MTERF1: variants seen among roughly 807,000 people sequenced by gnomAD.
MTERF1 encodes transcription termination factor 1, mitochondrial.
In MTERF1, 29 loss-of-function variants were observed where a neutral mutation model predicts 31.6. That is an observed-to-expected ratio of 0.92 (90% CI 0.68 to 1.25). MTERF1 has a LOEUF of 1.25. Among genes scored for constraint, MTERF1 ranks in the 50% most tolerant of loss-of-function variants. MTERF1 has a pLI of 0.00. For missense variants in MTERF1, 500 were observed against 469.1 expected, an observed-to-expected ratio of 1.07 and a Z score of -0.61; for synonymous variants, 152 against 164.1, an observed-to-expected ratio of 0.93 and a Z score of 0.57.
chr7:91,873,448 T>C lies in MTERF1; in HGVS notation c.*146A>G. On this transcript the variant is annotated 3_prime_UTR_variant, in exon 3 of 3. Transcript: ENST00000351870. ...CTTCAACTTTTAAAGATCCCTACAA[T>C]TATATTAGGCCCTCCAAAGTAATTC... The C allele has an allele frequency of 1.4e-6, 1 of 712,518 alleles. No homozygotes were observed. The highest frequency in any genetic ancestry group is 2.2e-6 in the Non-Finnish European group (1 of 447,250). The allele number at this position is 712,518 out of a possible 1,614,324, so 44.1% of individuals were successfully genotyped here. A position where few individuals can be genotyped will look rare whatever the true frequency, so the allele number is the denominator to read the frequency against.
chr7:91,873,691 T>G lies in MTERF1; in HGVS notation c.1103A>C (p.Asn368Thr). 6.2e-7 allele frequency: 1 copy of G among 1,614,092 alleles called. No individual in the cohort carries two copies. Among genetic ancestry groups the G allele is most frequent in the Non-Finnish European group, 8.5e-7 (1 of 1,179,988 alleles). The change falls in exon 3 of 3, where the codon AAT becomes ACT. Residue 368 changes from asparagine (N) to threonine (T), a missense_variant. Physicochemically the swap from Asn to Thr is moderately conservative, Grantham distance 65. Coordinates refer to ENST00000351870, the MANE Select transcript of MTERF1 (RefSeq NM_006980.5). ...TLKSRIKELV[N>T]AGCNLSTLNI... The stretch of plus-strand genomic sequence containing the variant: ...TAAAGTACTCAAGTTACAGCCAGCA[T>G]TTACCAATTCTTTGATTCGACTTTT...
At position 91,872,182 on chromosome 7, in the gene MTERF1, T is replaced by C. The variant is rs889006818; in HGVS notation, c.*1412A>G. ...TAAATGTATTATAAGCAATGGAAGATAAAGTTGCACAACTCTATATATAAA... is the reference window on the plus strand; with the variant it reads ...TAAATGTATTATAAGCAATGGAAGACAAAGTTGCACAACTCTATATATAAA... On this transcript the variant is annotated 3_prime_UTR_variant, in exon 3 of 3. Transcript: ENST00000351870. The C allele has an allele frequency of 5.9e-5, 9 of 152,248 alleles. No homozygotes were observed. Among genetic ancestry groups the C allele is most frequent in the African/African-American group, 2.2e-4 (9 of 41,458 alleles). 9.4% of individuals were successfully genotyped at this position (152,248 alleles called of 1,614,324 possible). A position where few individuals can be genotyped will look rare whatever the true frequency, so the allele number is the denominator to read the frequency against.
rs1713856211 is a variant in MTERF1 at position 91,873,863 on chromosome 7, G to T, written c.931C>A (p.Gln311Lys). The stretch of plus-strand genomic sequence containing the variant: ...TCTGGATAGCTTAAGACAAACTTCT[G>T]TACCTCTTCTTCAGTACATCCAAGA... Reference protein sequence around the residue: ...FSLGCTEEEVQKFVLSYPDVI... With the variant: ...FSLGCTEEEVKKFVLSYPDVI... The change falls in exon 3 of 3, where the codon CAG (glutamine) becomes AAG (lysine). Residue 311 changes from glutamine (Q) to lysine (K), a missense_variant. Gln to Lys is a moderately conservative substitution (Grantham distance 53, BLOSUM62 1). Transcript: ENST00000351870. 1 of 1,613,876 alleles carries T rather than the reference G, an allele frequency of 6.2e-7. No individual in the cohort carries two copies. Among genetic ancestry groups the T allele is most frequent in the African/African-American group, 1.3e-5 (1 of 74,882 alleles).
intron 2 of MTERF1, 71 bp from the exon 3 acceptor site, chr7:91,874,835 C>A: frequency 9.2e-7 from 1 of 1,084,380 alleles, no homozygotes; most frequent in East Asian, 2.5e-5. Context: ...TATTACAATC[C>A]TATAAGCATC....
intron 2 of MTERF1, among the ~76,000 whole-genome samples, chr7:91,878,043 T>C (rs540396012): frequency 3.1e-4 from 47 of 152,332 alleles, no homozygotes; most frequent in Middle Eastern, 6.8e-3. Context: ...TGCCTATCCA[T>C]AGGACAAGGT....
chr7:91,875,158 T>C (rs183428703), intron 2 of MTERF1, among the ~76,000 whole-genome samples: 1 of 152,354 alleles, frequency 6.6e-6, no homozygotes, highest in Non-Finnish European at 1.5e-5. Context: ...AGAATTGTTC[T>C]TGCTTTTTTC....
chr7:91,880,294 T>C (rs12111715), intron 1 of MTERF1, 181 bp from the exon 2 acceptor site: 7,368 of 560,130 alleles, frequency 0.013, 292 homozygotes, highest in African/African-American at 0.1. Context: ...TGCCTACATA[T>C]GATGGGAAAA....
chr7:91,876,828 A>G, intron 2 of MTERF1: 1 of 871,356 alleles, frequency 1.1e-6, no homozygotes, highest in Non-Finnish European at 1.4e-6. Context: ...GCATGAATTT[A>G]GAAACTTTAA....
chr7:91,879,306 C>T (rs933276204), intron 2 of MTERF1, among the ~76,000 whole-genome samples: 2 of 151,762 alleles, frequency 1.3e-5, no homozygotes, highest in African/African-American at 2.4e-5. Flanking sequence ...AAATAAAGGC[C>T]GATCTACTGC....
chr7:91,873,576 T>C lies in MTERF1; in HGVS notation c.*18A>G. ...ATAACATATTCACAGTTCCTGAGAA[T>C]TAAAAACATTGGCATCCTTAGGCAA... On this transcript the variant is annotated 3_prime_UTR_variant, in exon 3 of 3. Coordinates refer to ENST00000351870, the MANE Select transcript of MTERF1 (RefSeq NM_006980.5). 6.4e-7 allele frequency: 1 copy of C among 1,571,918 alleles called. No individual in the cohort carries two copies. Among genetic ancestry groups the C allele is most frequent in the Non-Finnish European group, 8.6e-7 (1 of 1,160,274 alleles).
Position 91,876,880 on chromosome 7 carries a change from T to C in MTERF1, c.30-2116A>G, listed in dbSNP as rs992637415. ...TAACTGAAGAATGACGGCTCTACCT[T>C]GCATAGTTCAACAGCCTGTTTTCTC... is the stretch of plus-strand genomic sequence containing the variant. On this transcript the variant is annotated intron_variant, in intron 2 of 2. Coordinates refer to ENST00000351870, the MANE Select transcript of MTERF1 (RefSeq NM_006980.5). 7.1e-6 allele frequency: 7 copies of C among 982,210 alleles called. No individual in the cohort carries two copies. The African/African-American group carries it at 1.0e-4, about 15-fold the overall frequency. The allele number at this position is 982,210 out of a possible 1,614,324, so 60.8% of individuals were successfully genotyped here. A position where few individuals can be genotyped will look rare whatever the true frequency, so the allele number is the denominator to read the frequency against.
rs1209982785 is a variant in MTERF1 at position 91,871,772 on chromosome 7, G to C, written c.*1822C>G. ...GGACTGCAAACATATTCTAAAACTA[G>C]ATTGTGGTGATGGTTGCTGCTATGG... On this transcript the variant is annotated 3_prime_UTR_variant, in exon 3 of 3. Coordinates refer to ENST00000351870, the MANE Select transcript of MTERF1 (RefSeq NM_006980.5). The C allele has an allele frequency of 6.6e-6, 1 of 152,232 alleles. No homozygotes were observed. Among genetic ancestry groups the C allele is most frequent in the African/African-American group, 2.4e-5 (1 of 41,462 alleles). The allele number at this position is 152,232 out of a possible 1,614,324, so 9.4% of individuals were successfully genotyped here.
In MTERF1 at chr7:91,872,201, A is replaced by G. The variant is rs1465697310; in HGVS notation, c.*1393T>C. 2.6e-5 allele frequency: 4 copies of G among 152,242 alleles called. No individual in the cohort carries two copies. The highest frequency in any genetic ancestry group is 4.4e-5 in the Non-Finnish European group (3 of 68,042). 9.4% of individuals were successfully genotyped at this position (152,242 alleles called of 1,614,324 possible). ...GGAAGATAAAGTTGCACAACTCTAT[A>G]TATAAATTGAACTGTGTTAGACTTT... is the stretch of plus-strand genomic sequence containing the variant. On this transcript the variant is annotated 3_prime_UTR_variant, in exon 3 of 3. Transcript: ENST00000351870.
chr7:91,875,382 T>C (rs1015955990), intron 2 of MTERF1, among the ~76,000 whole-genome samples: 6 of 152,210 alleles, frequency 3.9e-5, no homozygotes, highest in South Asian at 2.1e-4. Flanking sequence ...ACCTGAGTAG[T>C]TGGGACCACA....
In MTERF1 at chr7:91,871,576, TAAGTGA is replaced by T. The variant is rs971653818; in HGVS notation, c.*2012_*2017del. On this transcript the variant is annotated 3_prime_UTR_variant, in exon 3 of 3. Transcript: ENST00000351870. The stretch of plus-strand genomic sequence containing the variant: ...ACATGGATGAACCTTGAAAATATGC[TAAGTGA>T]AAGAAGCCAGTCACAAAAGACCATA... 6.6e-6 allele frequency: 1 copy of T among 152,194 alleles called. No homozygotes were observed. Among genetic ancestry groups the T allele is most frequent in the African/African-American group, 2.4e-5 (1 of 41,424 alleles). The allele number at this position is 152,194 out of a possible 1,614,324, so 9.4% of individuals were successfully genotyped here.
intron 2 of MTERF1, among the ~76,000 whole-genome samples, chr7:91,879,613 C>CA (rs913632875): frequency 3.3e-5 from 5 of 151,412 alleles, no homozygotes; most frequent in Non-Finnish European, 5.9e-5. Flanking sequence ...TTTCTAGTAC[C>CA]AAAAAAGTCA....
Position 91,871,781 on chromosome 7 carries a change from G to A in MTERF1, c.*1813C>T, listed in dbSNP as rs1334526813. 1 of 152,216 alleles carries A rather than the reference G, an allele frequency of 6.6e-6. No individual in the cohort carries two copies. Among genetic ancestry groups the A allele is most frequent in the African/African-American group, 2.4e-5 (1 of 41,462 alleles). 9.4% of individuals were successfully genotyped at this position (152,216 alleles called of 1,614,324 possible). A position where few individuals can be genotyped will look rare whatever the true frequency, so the allele number is the denominator to read the frequency against. On this transcript the variant is annotated 3_prime_UTR_variant, in exon 3 of 3. Coordinates refer to ENST00000351870, the MANE Select transcript of MTERF1 (RefSeq NM_006980.5). ...ACATATTCTAAAACTAGATTGTGGTGATGGTTGCTGCTATGGTTTGACTAT... is the reference window on the plus strand; with the variant it reads ...ACATATTCTAAAACTAGATTGTGGTAATGGTTGCTGCTATGGTTTGACTAT...
At position 91,871,602 on chromosome 7, in the gene MTERF1, A is replaced by G. The variant is rs1179971946; in HGVS notation, c.*1992T>C. 6.6e-6 allele frequency: 1 copy of G among 152,244 alleles called. No homozygotes were observed. The highest frequency in any genetic ancestry group is 1.5e-5 in the Non-Finnish European group (1 of 68,062). The allele number at this position is 152,244 out of a possible 1,614,324, so 9.4% of individuals were successfully genotyped here. On this transcript the variant is annotated 3_prime_UTR_variant, in exon 3 of 3. Coordinates refer to ENST00000351870, the MANE Select transcript of MTERF1 (RefSeq NM_006980.5). The stretch of plus-strand genomic sequence containing the variant: ...AAGTGAAAGAAGCCAGTCACAAAAG[A>G]CCATACTGTATGATTCCATTTATAT...
chr7:91,879,420 G>T (rs907432707), intron 2 of MTERF1, among the ~76,000 whole-genome samples: 1 of 152,042 alleles, frequency 6.6e-6, no homozygotes, highest in African/African-American at 2.4e-5. Context: ...TACAGAGGGG[G>T]AAAGTGGAAT....
Sources: gnomAD v4.1 joint callset for allele counts (sites outside exome capture counted in the v4.1 genomes callset) on GRCh38, gnomAD v4.1.1 for gene constraint, MANE v1.5 for transcripts, NCBI Gene and HGNC (gene_info 2026-07-23, HGNC 2026-07-21) for gene names.